The following OR11A1 variants were observed in gnomAD, a reference collection of about 807,000 sequenced individuals.
OR11A1 encodes olfactory receptor family 11 subfamily A member 1, also known as olfactory receptor 11A1.
For missense variants in OR11A1, 380 were observed against 378.2 expected (o/e 1.00, Z -0.04); for synonymous variants, 158 against 152.2 (o/e 1.04, Z -0.28).
At chr6:29,428,164 T>C in intron 4 of OR11A1, 3 of 847,054 alleles carry the variant, frequency 3.5e-6, no homozygotes, top group Non-Finnish European at 4.3e-6. Flanking sequence ...TTCTTCTCAT[T>C]ATCTCAACCG....
At chr6:29,428,414 C>G in intron 4 of OR11A1, 1 of 985,478 alleles carries the variant, frequency 1.0e-6, no homozygotes, top group Non-Finnish European at 1.2e-6. Context: ...TCGGGGAAGG[C>G]TTTCTGAAGA....
chr6:29,447,646 G>A (rs146987861), intron 1 of OR11A1, among the ~76,000 whole-genome samples: 227 of 152,318 alleles, frequency 1.5e-3, no homozygotes, highest in African/African-American at 5.2e-3. Flanking sequence ...TATACTCTTT[G>A]GAGAATCACC....
intron 2 of OR11A1, 21 bp from the exon 3 acceptor site, chr6:29,430,446 A>C (rs1783153616): frequency 1.0e-6 from 1 of 985,378 alleles, no homozygotes; most frequent in Non-Finnish European, 1.2e-6. Flanking sequence ...AGAGGTGAGC[A>C]TGTAAATCAG....
intron 1 of OR11A1, among the ~76,000 whole-genome samples, chr6:29,444,342 G>A (rs1306130289): frequency 1.3e-5 from 2 of 152,176 alleles, no homozygotes; most frequent in Admixed American, 1.3e-4. Context: ...AAATTGCCCA[G>A]CCTTGGGTAA....
At chr6:29,445,021 T>A (rs1784589333) in intron 1 of OR11A1, among the ~76,000 whole-genome samples, 1 of 152,210 alleles carries the variant, frequency 6.6e-6, no homozygotes. Context: ...TCTTTCTTTT[T>A]TTTTGACAGG....
At chr6:29,443,064 A>G (rs1784364747) in intron 1 of OR11A1, among the ~76,000 whole-genome samples, 1 of 152,230 alleles carries the variant, frequency 6.6e-6, no homozygotes, top group South Asian at 2.1e-4. Context: ...TATCTCAGTG[A>G]TAGGAATCAC....
At chr6:29,446,165 T>A (rs1784754002) in intron 1 of OR11A1, among the ~76,000 whole-genome samples, 1 of 152,222 alleles carries the variant, frequency 6.6e-6, no homozygotes, top group Non-Finnish European at 1.5e-5. Flanking sequence ...CGAATAATTA[T>A]CAAGTTCCCA....
At chr6:29,431,439 T>C (rs16894905) in intron 2 of OR11A1, among the ~76,000 whole-genome samples, 2,926 of 152,226 alleles carry the variant, frequency 0.019, 62 homozygotes, top group African/African-American at 0.042. Flanking sequence ...TAATTTTAAG[T>C]ATATCCCAGT....
Position 29,426,837 on chromosome 6 carries a change from G to A in OR11A1, c.805C>T (p.Gln269Ter), listed in dbSNP as rs1173298903. 6.2e-7 allele frequency: 1 copy of A among 1,612,976 alleles called. No individual in the cohort carries two copies. Among genetic ancestry groups the A allele is most frequent in the South Asian group, 1.1e-5 (1 of 91,068 alleles). The change falls in exon 5 of 5, where the codon CAG (glutamine) becomes TAG (stop). Residue 269 changes from glutamine to a stop codon, truncating the protein, a stop_gained. Transcript: ENST00000377149. LOFTEE classifies it low-confidence loss of function (END_TRUNC). ...AGGGAGAAGACCTTGGAGAGGAGCTGGGAATGGACAGCAGAGGGTGCAACA... is the reference window on the plus strand; with the variant it reads ...AGGGAGAAGACCTTGGAGAGGAGCTAGGAATGGACAGCAGAGGGTGCAACA... The part of the protein sequence containing the change: ...FYVAPSAVHS[Q>*]LLSKVFSLLY...
intron 1 of OR11A1, chr6:29,439,243 G>T (rs1229911723): frequency 6.6e-6 from 1 of 152,200 alleles, no homozygotes. Context: ...GAGTTTATGT[G>T]TGTAGTTTGG....
intron 1 of OR11A1, among the ~76,000 whole-genome samples, chr6:29,448,922 A>G (rs1432602437): frequency 1.3e-5 from 2 of 152,092 alleles, no homozygotes; most frequent in Non-Finnish European, 2.9e-5. Context: ...ATGACTGGTG[A>G]CCTCTTACCT....
chr6:29,446,150 G>A (rs915214760), intron 1 of OR11A1, among the ~76,000 whole-genome samples: 1 of 152,054 alleles, frequency 6.6e-6, no homozygotes, highest in Non-Finnish European at 1.5e-5. Flanking sequence ...CTTCTTTCAA[G>A]TCTGCGAATA....
chr6:29,451,153 G>C (rs1414464512), intron 1 of OR11A1, among the ~76,000 whole-genome samples: 1 of 152,168 alleles, frequency 6.6e-6, no homozygotes, highest in Non-Finnish European at 1.5e-5. Context: ...AGCCGTATTA[G>C]GAAGATTGAA....
At chr6:29,432,657 C>T (rs1347359962) in intron 1 of OR11A1, among the ~76,000 whole-genome samples, 1 of 152,116 alleles carries the variant, frequency 6.6e-6, no homozygotes. Context: ...GGTTATGTAG[C>T]GTTTCAATAT....
chr6:29,453,534 G>T lies in OR11A1; in HGVS notation c.-389+3453C>A, dbSNP rs770888702. ...TTACACTATTAAAGAGGGTTGAGAT[G>T]ATTTGGAACAAAGATAAAAACTCAT... On this transcript the variant is annotated intron_variant, in intron 1 of 4. Transcript: ENST00000377149. This position sits in a 1 kb window ranked among gnomAD's most constrained non-coding sequence, Gnocchi z 4.5. Among the ~76,000 whole-genome samples, 11 of 152,098 alleles carry T rather than the reference G, an allele frequency of 7.2e-5. No individual in the cohort carries two copies. The highest frequency in any genetic ancestry group is 1.3e-4 in the Non-Finnish European group (9 of 67,986).
At chr6:29,443,666 ATGTGAAATGGC>A (rs2151385845) in intron 1 of OR11A1, among the ~76,000 whole-genome samples, 1 of 152,322 alleles carries the variant, frequency 6.6e-6, no homozygotes, top group Non-Finnish European at 1.5e-5. Context: ...AAATACATAG[ATGTGAAATGGC>A]TGCATCACAT....
In OR11A1 at chr6:29,427,288, G is replaced by A; in HGVS notation, c.354C>T (p.Val118=). 1 of 1,613,116 alleles carries A rather than the reference G, an allele frequency of 6.2e-7. No homozygotes were observed. Among genetic ancestry groups the A allele is most frequent in the Non-Finnish European group, 8.5e-7 (1 of 1,180,034 alleles). The change falls in exon 5 of 5, where the codon GTC becomes GTT. Residue 118 remains valine, a synonymous_variant. Coordinates refer to ENST00000377149, the MANE Select transcript of OR11A1 (RefSeq NM_001394828.1). ...TTGCCAGGTAGCGGTCATATGCCAT[G>A]ACAGCCAGCAGTAAGCATTCAGCTG... ...LATAECLLLA[V]MAYDRYLAIC...
intron 1 of OR11A1, among the ~76,000 whole-genome samples, chr6:29,437,354 A>C (rs115360560): frequency 0.039 from 5,947 of 152,338 alleles, 277 homozygotes; most frequent in African/African-American, 0.11. Context: ...AATACTATGC[A>C]GCCATTCTGC....
At chr6:29,433,673 G>T (rs1043928806) in intron 1 of OR11A1, among the ~76,000 whole-genome samples, 1 of 60,734 alleles carries the variant, frequency 1.6e-5, no homozygotes, top group Non-Finnish European at 3.5e-5. Flanking sequence ...TATTTCCTTT[G>T]AATATATACA....
Sources: gnomAD v4.1 joint callset for allele counts (sites outside exome capture counted in the v4.1 genomes callset) on GRCh38, gnomAD v4.1.1 for gene constraint, Gnocchi (gnomAD v3.1) non-coding constraint, MANE v1.5 for transcripts, NCBI Gene and HGNC (gene_info 2026-07-23, HGNC 2026-07-21) for gene names.